The following KIF26B variants were observed in gnomAD, a reference collection of about 807,000 sequenced individuals.
KIF26B encodes kinesin family member 26B, also known as kinesin-like protein KIF26B.
KIF26B carries 63 observed loss-of-function variants against 151.2 expected under a neutral mutation model. The observed-to-expected ratio is 0.42, with a 90% CI of 0.34 to 0.51. KIF26B has a LOEUF of 0.51. Ranked by LOEUF, KIF26B falls within the 20% of genes least tolerant of loss-of-function variation. The pLI, the probability that KIF26B is intolerant of heterozygous loss-of-function variation, is 0.07. For synonymous variants in KIF26B, 1,357 were observed against 1,262.1 expected, an observed-to-expected ratio of 1.08 and a Z score of -1.59; for missense variants, 2,813 against 2,913.6, an observed-to-expected ratio of 0.97 and a Z score of 0.79.
At chr1:245,619,397 C>T (rs1475694477) in intron 9 of KIF26B, among the ~76,000 whole-genome samples, 3 of 152,222 alleles carry the variant, frequency 2.0e-5, no homozygotes, top group Admixed American at 1.3e-4. Flanking sequence ...CCACCCACCT[C>T]GGCCAGCCTG....
chr1:245,634,095 C>T (rs546027572), intron 9 of KIF26B, among the ~76,000 whole-genome samples: 3 of 152,158 alleles, frequency 2.0e-5, no homozygotes, highest in Admixed American at 6.5e-5. Context: ...ATTACCGGTG[C>T]GAGGCACCAC....
At chr1:245,198,067 C>T (rs567828970) in intron 2 of KIF26B, among the ~76,000 whole-genome samples, 39 of 152,336 alleles carry the variant, frequency 2.6e-4, no homozygotes, top group African/African-American at 8.9e-4. Flanking sequence ...TTCCTCCTAC[C>T]ACCCACACAT....
At position 245,704,619 on chromosome 1, in the gene KIF26B, G is replaced by A. The variant is rs2000100; in HGVS notation, c.*2013G>A. 63,960 of 152,148 alleles carry A rather than the reference G, an allele frequency of 0.42. 14,989 individuals carry two copies. The highest frequency in any genetic ancestry group is 0.62 in the African/African-American group (25,817 of 41,472). 9.4% of individuals were successfully genotyped at this position (152,148 alleles called of 1,614,324 possible). Reference sequence around the variant, plus strand: ...TCTGGCATGGCTCGTTCTTCCTTCTGTGTATCTCCCAAGTCTGACAAGTGT... The same window carrying A: ...TCTGGCATGGCTCGTTCTTCCTTCTATGTATCTCCCAAGTCTGACAAGTGT... On this transcript the variant is annotated 3_prime_UTR_variant, in exon 15 of 15. Transcript: ENST00000407071.
chr1:245,428,596 G>A (rs1006993482), intron 4 of KIF26B, among the ~76,000 whole-genome samples: 1 of 152,176 alleles, frequency 6.6e-6, no homozygotes, highest in African/African-American at 2.4e-5. Flanking sequence ...GGTGCAGTCC[G>A]TAACAGAAGT....
Position 245,234,224 on chromosome 1 carries a change from C to T in KIF26B, c.465+77541C>T, listed in dbSNP as rs148672897. The stretch of plus-strand genomic sequence containing the variant: ...GAAAAGAAAAAAGAAATTTCAACAC[C>T]GTAGCCTGTTCCCAGTGGAGGAAAT... On this transcript the variant is annotated intron_variant, in intron 2 of 14. Transcript: ENST00000407071. Among the ~76,000 whole-genome samples the T allele has an allele frequency of 1.8e-3, 277 of 152,204 alleles. 1 individual carries two copies. Among genetic ancestry groups the T allele is most frequent in the Non-Finnish European group, 3.0e-3 (204 of 68,002 alleles).
At chr1:245,302,975 C>A (rs1379863856) in intron 2 of KIF26B, among the ~76,000 whole-genome samples, 1 of 89,180 alleles carries the variant, frequency 1.1e-5, no homozygotes, top group African/African-American at 4.8e-5. Flanking sequence ...GGCAATAGAG[C>A]AAGACTCTGT....
rs576176922 is a variant in KIF26B, at chr1:245,614,081, G to A, written c.2098+2105G>A. ...GCCTTTTGTGTCTGGCTTCTTTCACGTAGTGTCCTAATGCATTTGAGACTC... is the reference window on the plus strand; with the variant it reads ...GCCTTTTGTGTCTGGCTTCTTTCACATAGTGTCCTAATGCATTTGAGACTC... On this transcript the variant is annotated intron_variant, in intron 9 of 14. Transcript: ENST00000407071. Among the ~76,000 whole-genome samples the A allele has an allele frequency of 7.6e-4, 116 of 152,216 alleles. 1 individual carries two copies. Among genetic ancestry groups the A allele is most frequent in the Non-Finnish European group, 1.4e-3 (93 of 68,028 alleles).
intron 10 of KIF26B, among the ~76,000 whole-genome samples, chr1:245,651,538 G>A (rs1239677755): frequency 1.3e-5 from 2 of 152,170 alleles, no homozygotes; most frequent in East Asian, 3.9e-4. Flanking sequence ...TCAAGGTCTG[G>A]GAAGCTGGGG....
At chr1:245,692,445 A>C (rs914026517) in intron 12 of KIF26B, among the ~76,000 whole-genome samples, 1 of 152,084 alleles carries the variant, frequency 6.6e-6, no homozygotes, top group African/African-American at 2.4e-5. Context: ...TTGGTCCGGG[A>C]GGGTGCTTAC....
At chr1:245,370,006 A>G (rs1422541076) in intron 3 of KIF26B, among the ~76,000 whole-genome samples, 1 of 152,180 alleles carries the variant, frequency 6.6e-6, no homozygotes, top group Non-Finnish European at 1.5e-5. Context: ...TTTTGTTTGC[A>G]GTTTTAAAAT....
At chr1:245,631,261 G>A (rs190781266) in intron 9 of KIF26B, among the ~76,000 whole-genome samples, 2 of 152,244 alleles carry the variant, frequency 1.3e-5, no homozygotes, top group Non-Finnish European at 2.9e-5. Flanking sequence ...TTAGCTGTGG[G>A]TTTGTCATAT....
chr1:245,206,227 A>C (rs563788645), intron 2 of KIF26B, among the ~76,000 whole-genome samples: 2 of 152,306 alleles, frequency 1.3e-5, no homozygotes, highest in South Asian at 4.1e-4. Context: ...ACTCTGGGAA[A>C]ATGTTTTGCT....
Position 245,667,425 on chromosome 1 carries a change from T to C in KIF26B, c.2259-16808T>C, listed in dbSNP as rs6656844. Among the ~76,000 whole-genome samples the C allele has an allele frequency of 0.013, 1,993 of 152,246 alleles. 54 individuals are homozygous for C. Among genetic ancestry groups the C allele is most frequent in the African/African-American group, 0.044 (1,848 of 41,556 alleles). The stretch of plus-strand genomic sequence containing the variant: ...AACTCCTGGATTCAGACAATCTGCC[T>C]GCCTCGGCCTCCCAAAGTGCTGGGA... On this transcript the variant is annotated intron_variant, in intron 10 of 14. Coordinates refer to ENST00000407071, the MANE Select transcript of KIF26B (RefSeq NM_018012.4). The surrounding 1 kb of genome is among the most constrained non-coding windows in gnomAD (Gnocchi z 4.3).
Position 245,698,432 on chromosome 1 carries a change from A to G in KIF26B, c.6027+124A>G. 1 of 854,292 alleles carries G rather than the reference A, an allele frequency of 1.2e-6. No homozygotes were observed. The highest frequency in any genetic ancestry group is 1.8e-6 in the Non-Finnish European group (1 of 557,214). The allele number at this position is 854,292 out of a possible 1,614,324, so 52.9% of individuals were successfully genotyped here. A position where few individuals can be genotyped will look rare whatever the true frequency, so the allele number is the denominator to read the frequency against. ...CCGGGCTTCCCAGCGGGCTTCTGGC[A>G]TGGGTGGTGGGAAGGGGGCTTCTGT... is the stretch of plus-strand genomic sequence containing the variant. On this transcript the variant is annotated intron_variant, in intron 13 of 14. Coordinates refer to ENST00000407071, the MANE Select transcript of KIF26B (RefSeq NM_018012.4). This position sits in a 1 kb window ranked among gnomAD's most constrained non-coding sequence, Gnocchi z 4.0.
At chr1:245,415,126 C>T (rs1674385974) in intron 3 of KIF26B, among the ~76,000 whole-genome samples, 1 of 152,180 alleles carries the variant, frequency 6.6e-6, no homozygotes, top group East Asian at 1.9e-4. Context: ...GAGAGGTTAT[C>T]AGCAGCAAAG....
At chr1:245,311,908 C>T (rs550549528) in intron 2 of KIF26B, among the ~76,000 whole-genome samples, 56 of 152,260 alleles carry the variant, frequency 3.7e-4, no homozygotes, top group African/African-American at 1.3e-3. Flanking sequence ...GCAGCCTGGG[C>T]GACAGAGCAA....
At chr1:245,635,201 T>C (rs1225963018) in intron 9 of KIF26B, among the ~76,000 whole-genome samples, 1 of 151,736 alleles carries the variant, frequency 6.6e-6, no homozygotes, top group Non-Finnish European at 1.5e-5. Context: ...AGACTTTGAG[T>C]AGAACTGTTA....
chr1:245,638,375 T>C (rs2043856213), intron 9 of KIF26B, among the ~76,000 whole-genome samples: 2 of 151,958 alleles, frequency 1.3e-5, no homozygotes, highest in Non-Finnish European at 2.9e-5. Flanking sequence ...CTAAAAGTTT[T>C]TTGGTGGAAT....
intron 4 of KIF26B, among the ~76,000 whole-genome samples, chr1:245,467,764 G>A (rs1349115643): frequency 1.3e-5 from 2 of 152,040 alleles, no homozygotes; most frequent in South Asian, 2.1e-4. Flanking sequence ...CCATGGCGGT[G>A]TGTGCCTGTA....
Sources: allele counts gnomAD v4.1 joint callset (sites outside exome capture counted in the v4.1 genomes callset), GRCh38; gene constraint gnomAD v4.1.1; non-coding constraint Gnocchi (gnomAD v3.1); transcripts MANE v1.5; gene names NCBI Gene and HGNC (gene_info 2026-07-23, HGNC 2026-07-21).